Variants in LCLAT1 observed in about 807,000 individuals in gnomAD.
The protein encoded by LCLAT1 is 1-AGP acyltransferase 8.
LCLAT1 carries 11 observed loss-of-function variants against 30.7 expected under a neutral mutation model. The ratio of observed to expected loss-of-function variants is 0.36; its 90% CI spans 0.23 to 0.59. The LOEUF (loss-of-function observed/expected upper bound fraction) is 0.59. LCLAT1 is among the 20% of genes least tolerant of loss of function. LCLAT1 has a pLI of 0.77. For missense variants in LCLAT1, 402 were observed against 458.6 expected (o/e 0.88, Z 1.13); for synonymous variants, 155 against 151.3 (o/e 1.02, Z -0.18).
chr2:30,497,967 G>A (rs1413667630), intron 1 of LCLAT1, among the ~76,000 whole-genome samples: 1 of 152,178 alleles, frequency 6.6e-6, no homozygotes, highest in Non-Finnish European at 1.5e-5. Flanking sequence ...AGGATTTGGA[G>A]TTAAATGGAT....
intron 1 of LCLAT1, among the ~76,000 whole-genome samples, chr2:30,479,717 G>A (rs1300904685): frequency 6.6e-6 from 1 of 152,130 alleles, no homozygotes; most frequent in Non-Finnish European, 1.5e-5. Flanking sequence ...TACTAACTTT[G>A]TAAAAAATTT....
chr2:30,504,140 TA>T (rs1212755962), intron 1 of LCLAT1, among the ~76,000 whole-genome samples: 1 of 152,040 alleles, frequency 6.6e-6, no homozygotes, highest in Non-Finnish European at 1.5e-5. Flanking sequence ...ATATTACACA[TA>T]TATACACAAC....
intron 5 of LCLAT1, among the ~76,000 whole-genome samples, chr2:30,613,555 A>T (rs1435685548): frequency 2.0e-5 from 3 of 148,930 alleles, no homozygotes; most frequent in African/African-American, 5.0e-5. Context: ...AGACACAGAG[A>T]CAAAGTATAG....
chr2:30,485,467 T>G (rs829683), intron 1 of LCLAT1, among the ~76,000 whole-genome samples: 14,536 of 152,218 alleles, frequency 0.095, 747 homozygotes, highest in East Asian at 0.13. Flanking sequence ...AAGTGATTTT[T>G]TTTATAGAAC....
At chr2:30,618,866 A>G (rs1668113698) in intron 5 of LCLAT1, among the ~76,000 whole-genome samples, 2 of 152,052 alleles carry the variant, frequency 1.3e-5, no homozygotes, top group Admixed American at 1.3e-4. Flanking sequence ...GTTTGTGAAT[A>G]AAGAGTTTTA....
chr2:30,555,730 A>G (rs1042662156), intron 3 of LCLAT1, among the ~76,000 whole-genome samples: 5 of 152,160 alleles, frequency 3.3e-5, no homozygotes, highest in Non-Finnish European at 5.9e-5. Context: ...TTTGTCAAAA[A>G]TGGAAGGGTG....
Position 30,606,344 on chromosome 2 carries a change from A to G in LCLAT1, c.629-33773A>G, listed in dbSNP as rs868851640. ...ATTACCTGACTTCAAACTATACTACAGGGCTACAGTAACCAAAATAGCATG... is the reference window on the plus strand; with the variant it reads ...ATTACCTGACTTCAAACTATACTACGGGGCTACAGTAACCAAAATAGCATG... On this transcript the variant is annotated intron_variant, in intron 5 of 5. Transcript: ENST00000379509. The G allele has an allele frequency of 1.8e-4, 44 of 242,774 alleles. 1 individual carries two copies. Among genetic ancestry groups the G allele is most frequent in the South Asian group, 1.8e-3 (43 of 24,346 alleles). 15.0% of individuals were successfully genotyped at this position (242,774 alleles called of 1,614,324 possible).
chr2:30,517,378 C>T (rs1685232610), intron 1 of LCLAT1, among the ~76,000 whole-genome samples: 1 of 152,154 alleles, frequency 6.6e-6, no homozygotes, highest in African/African-American at 2.4e-5. Context: ...GGACCCGTTC[C>T]TCACCACCCT....
At chr2:30,457,308 A>C (rs1380495708) in intron 1 of LCLAT1, among the ~76,000 whole-genome samples, 3 of 152,190 alleles carry the variant, frequency 2.0e-5, no homozygotes, top group Non-Finnish European at 4.4e-5. Flanking sequence ...GTAGCAGTTC[A>C]GATCTGTGTA....
At chr2:30,597,999 TC>T (rs1667005080) in intron 5 of LCLAT1, among the ~76,000 whole-genome samples, 1 of 152,302 alleles carries the variant, frequency 6.6e-6, no homozygotes. Context: ...GCCAACTTGA[TC>T]ATGGTGTATA....
chr2:30,463,639 A>G (rs1325667915), intron 1 of LCLAT1, among the ~76,000 whole-genome samples: 1 of 152,348 alleles, frequency 6.6e-6, no homozygotes, highest in South Asian at 2.1e-4. Flanking sequence ...TATAGCATTT[A>G]CATTGTATTA....
chr2:30,541,452 T>TC (rs11408677), intron 3 of LCLAT1, among the ~76,000 whole-genome samples: 74,109 of 151,910 alleles, frequency 0.49, 19,451 homozygotes, highest in Non-Finnish European at 0.58. Context: ...TTCTTGTTTA[T>TC]CCCCCCAAAT....
intron 3 of LCLAT1, among the ~76,000 whole-genome samples, chr2:30,536,712 A>G (rs1442903841): frequency 1.3e-5 from 2 of 152,252 alleles, no homozygotes; most frequent in Admixed American, 6.5e-5. Context: ...GAACAGATAT[A>G]TAGATGAAAA....
chr2:30,580,225 A>G (rs567151725), intron 5 of LCLAT1, among the ~76,000 whole-genome samples: 126 of 152,280 alleles, frequency 8.3e-4, no homozygotes, highest in African/African-American at 3.0e-3. Flanking sequence ...ATGGTTGTAA[A>G]TGGTCGTAAT....
Position 30,533,182 on chromosome 2 carries a change from A to G in LCLAT1, c.232A>G (p.Arg78Gly), listed in dbSNP as rs1164177123. The G allele has an allele frequency of 6.2e-7, 1 of 1,614,106 alleles. No individual in the cohort carries two copies. Among genetic ancestry groups the G allele is most frequent in the South Asian group, 1.1e-5 (1 of 91,088 alleles). The change falls in exon 3 of 6, where the codon AGA becomes GGA. Residue 78 changes from arginine to glycine, a missense_variant. Coordinates refer to ENST00000379509, the MANE Select transcript of LCLAT1 (RefSeq NM_001002257.3). ...ITGDAFVPGE[R>G]SVIIMNHRTR... The stretch of plus-strand genomic sequence containing the variant: ...TGGGGATGCATTTGTTCCTGGAGAA[A>G]GAAGTGTCATTATCATGAACCATCG...
chr2:30,625,630 A>T (rs149430491), intron 5 of LCLAT1, among the ~76,000 whole-genome samples: 5 of 152,220 alleles, frequency 3.3e-5, no homozygotes, highest in African/African-American at 1.2e-4. Flanking sequence ...GATTAATAAC[A>T]TTAGACTTTA....
intron 3 of LCLAT1, among the ~76,000 whole-genome samples, chr2:30,540,939 A>G (rs1368457303): frequency 6.6e-6 from 1 of 152,114 alleles, no homozygotes; most frequent in African/African-American, 2.4e-5. Flanking sequence ...CTGAGATTAC[A>G]GGTGTGAGCC....
chr2:30,608,022 A>G lies in LCLAT1; in HGVS notation c.629-32095A>G, dbSNP rs548106801. ...TTTGTGTTTTAAGCGAAGTGTTATA[A>G]AAGAGTCAAGTTTTAAACATTTAGA... On this transcript the variant is annotated intron_variant, in intron 5 of 5. Transcript: ENST00000379509. 1.2e-4 allele frequency among the ~76,000 whole-genome samples: 18 copies of G among 152,048 alleles called. 2 individuals carry two copies. In the South Asian group the frequency reaches 3.8e-3, roughly 32 times the overall value.
intron 3 of LCLAT1, among the ~76,000 whole-genome samples, chr2:30,557,514 A>C (rs1424499595): frequency 1.3e-5 from 2 of 151,882 alleles, no homozygotes; most frequent in Non-Finnish European, 2.9e-5. Flanking sequence ...TCCCAGGTTC[A>C]AGTGATTCTC....
Sources: gnomAD v4.1 joint callset for allele counts (sites outside exome capture counted in the v4.1 genomes callset) on GRCh38, gnomAD v4.1.1 for gene constraint, MANE v1.5 for transcripts, NCBI Gene and HGNC (gene_info 2026-07-23, HGNC 2026-07-21) for gene names.